The following METTL2A variants were observed in gnomAD, a reference collection of about 807,000 sequenced individuals.
METTL2A encodes the protein methyltransferase 2A, tRNA N3-cytidine.
Under a neutral mutation model 49.4 loss-of-function variants are expected in METTL2A, and 45 were observed. That is an observed-to-expected ratio of 0.91 (90% CI 0.72 to 1.17). The LOEUF (loss-of-function observed/expected upper bound fraction) is 1.17, where lower values mean the gene tolerates loss of function less well. Ranked by LOEUF, METTL2A falls within the 50% of genes most tolerant of loss-of-function variation. The probability of loss-of-function intolerance (pLI) is 0.00; values close to 1 mark genes in which losing one functional copy is unlikely to be tolerated. For synonymous variants in METTL2A, 118 were observed against 167.5 expected, an observed-to-expected ratio of 0.70 and a Z score of 2.28; for missense variants, 361 against 462.2, an observed-to-expected ratio of 0.78 and a Z score of 2.01.
intron 2 of METTL2A, among the ~76,000 whole-genome samples, chr17:62,425,904 G>A (rs185150812): frequency 1.3e-5 from 2 of 151,510 alleles, no homozygotes; most frequent in South Asian, 4.2e-4. Context: ...AGTAGGATGA[G>A]GCAGGAGAAT....
intron 4 of METTL2A, among the ~76,000 whole-genome samples, chr17:62,433,727 T>C (rs2070681425): frequency 6.7e-6 from 1 of 148,356 alleles, no homozygotes; most frequent in Non-Finnish European, 1.5e-5. Context: ...GTGACACAGC[T>C]GAGACCTCGT....
intron 6 of METTL2A, among the ~76,000 whole-genome samples, chr17:62,443,680 C>T (rs2070750902): frequency 6.6e-6 from 1 of 152,086 alleles, no homozygotes; most frequent in Non-Finnish European, 1.5e-5. Context: ...ATCTCCGCCT[C>T]CCAGGTTCAA....
chr17:62,438,576 CAAAAAAAA>C lies in METTL2A; in HGVS notation c.670-2030_670-2023del, dbSNP rs35559687. 5.2e-5 allele frequency among the ~76,000 whole-genome samples: 4 copies of C among 76,908 alleles called. No homozygotes were observed. The South Asian group carries it at 2.0e-3, about 38-fold the overall frequency. The allele number at this position is 76,908 out of a possible 152,430, so 50.5% of individuals were successfully genotyped here. A position where few individuals can be genotyped will look rare whatever the true frequency, so the allele number is the denominator to read the frequency against. ...TGGGCAACAGAACAAGACTCTGTTT[CAAAAAAAA>C]AAAAAAAAAAGAGTCTGTCACAATT... On this transcript the variant is annotated intron_variant, in intron 5 of 8. Coordinates refer to ENST00000311506, the MANE Select transcript of METTL2A (RefSeq NM_181725.4).
Position 62,448,726 on chromosome 17 carries a change from C to G in METTL2A, c.1134C>G (p.Ser378Arg). Residue 378 changes from serine to arginine, a missense_variant, in exon 9 of 9, where the codon AGC (serine) becomes AGG (arginine). Coordinates refer to ENST00000311506, the MANE Select transcript of METTL2A (RefSeq NM_181725.4). The stretch of plus-strand genomic sequence containing the variant: ...GCAAGCCCCTTCTGTCCAGCACCAG[C>G]TGAGAGGCACCTGCTGCCAACACGA... Reference protein sequence around the residue: ...KYCKPLLSSTS With the variant: ...KYCKPLLSSTR 4 of 1,613,644 alleles carry G rather than the reference C, an allele frequency of 2.5e-6. No individual in the cohort carries two copies. The highest frequency in any genetic ancestry group is 3.4e-6 in the Non-Finnish European group (4 of 1,179,860).
chr17:62,448,859 A>G lies in METTL2A; in HGVS notation c.*130A>G. The G allele has an allele frequency of 6.9e-7, 1 of 1,454,846 alleles. No individual in the cohort carries two copies. The highest frequency in any genetic ancestry group is 2.3e-5 in the East Asian group (1 of 42,606). The allele number at this position is 1,454,846 out of a possible 1,614,324, so 90.1% of individuals were successfully genotyped here. ...CAGGAGGCTGAGGCGGGGAGGATCC[A>G]TTGAGCCCAGCAGTCCAACCTGGGC... On this transcript the variant is annotated 3_prime_UTR_variant, in exon 9 of 9. Coordinates refer to ENST00000311506, the MANE Select transcript of METTL2A (RefSeq NM_181725.4).
At chr17:62,447,801 C>G (rs781698543) in intron 8 of METTL2A, 35 bp downstream of exon 8, 1 of 1,612,208 alleles carries the variant, frequency 6.2e-7, no homozygotes, top group Non-Finnish European at 8.5e-7. Context: ...CTAAAAGTCC[C>G]CAGTACCAGA....
Position 62,449,336 on chromosome 17 carries a change from T to A in METTL2A, c.*607T>A, listed in dbSNP as rs2070790504. On this transcript the variant is annotated 3_prime_UTR_variant, in exon 9 of 9. Transcript: ENST00000311506. ...AGCTGGGAAGAATCAGATCAGATAT[T>A]TTCCTGACAAAAAAAAATGACCCTA... 2 of 433,408 alleles carry A rather than the reference T, an allele frequency of 4.6e-6. No homozygotes were observed. The highest frequency in any genetic ancestry group is 2.6e-5 in the Admixed American group (1 of 38,254). The allele number at this position is 433,408 out of a possible 1,614,324, so 26.8% of individuals were successfully genotyped here.
chr17:62,429,937 C>T (rs559515731), intron 4 of METTL2A, among the ~76,000 whole-genome samples: 67 of 152,360 alleles, frequency 4.4e-4, no homozygotes, highest in African/African-American at 1.5e-3. Context: ...TCCCAAAGTG[C>T]TGGGATTACA....
rs2070802838 is a variant in METTL2A at position 62,451,055 on chromosome 17, C to T, written c.*2326C>T. ...TCACACAAAAACATGATTATGTTGG[C>T]TGGGCACAGTGGCTCCTGTAATCCT... On this transcript the variant is annotated 3_prime_UTR_variant, in exon 9 of 9. Transcript: ENST00000311506. 6.6e-6 allele frequency among the ~76,000 whole-genome samples: 1 copy of T among 151,846 alleles called. No homozygotes were observed. The highest frequency in any genetic ancestry group is 1.5e-5 in the Non-Finnish European group (1 of 67,978).
At chr17:62,447,253 T>C (rs1214006499) in intron 7 of METTL2A, among the ~76,000 whole-genome samples, 1 of 152,032 alleles carries the variant, frequency 6.6e-6, no homozygotes, top group Non-Finnish European at 1.5e-5. Flanking sequence ...ACCCTGACTC[T>C]ACTAAAAATA....
intron 5 of METTL2A, among the ~76,000 whole-genome samples, chr17:62,438,410 A>T (rs1598034215): frequency 1.4e-5 from 2 of 140,330 alleles, no homozygotes; most frequent in Non-Finnish European, 3.0e-5. Context: ...TCCATCTCAA[A>T]AAAAAAAAAA....
Position 62,450,328 on chromosome 17 carries a change from T to G in METTL2A, c.*1599T>G, listed in dbSNP as rs1484403625. On this transcript the variant is annotated 3_prime_UTR_variant, in exon 9 of 9. Transcript: ENST00000311506. ...CCCAGGCTGGAGTTCAGTGGTGCAA[T>G]GATAGCTCATTATCACCTCAAACTT... The G allele has an allele frequency of 6.9e-6, 1 of 143,906 alleles. No homozygotes were observed. The highest frequency in any genetic ancestry group is 2.1e-4 in the East Asian group (1 of 4,678). The allele number at this position is 143,906 out of a possible 1,614,324, so 8.9% of individuals were successfully genotyped here.
chr17:62,428,820 G>C (rs2070645343), intron 4 of METTL2A, among the ~76,000 whole-genome samples: 1 of 152,166 alleles, frequency 6.6e-6, no homozygotes, highest in Admixed American at 6.5e-5. Context: ...CTCTTGTTCT[G>C]TCATCCCGAC....
At chr17:62,440,363 C>T (rs2070730751) in intron 5 of METTL2A, among the ~76,000 whole-genome samples, 1 of 152,094 alleles carries the variant, frequency 6.6e-6, no homozygotes, top group Admixed American at 6.6e-5. Context: ...TACTTTTTCA[C>T]CAATCTATAT....
In METTL2A at chr17:62,451,633, T is replaced by C. The variant is rs2070806505; in HGVS notation, c.*2904T>C. Among the ~76,000 whole-genome samples, 1 of 151,732 alleles carries C rather than the reference T, an allele frequency of 6.6e-6. No individual in the cohort carries two copies. Among genetic ancestry groups the C allele is most frequent in the Admixed American group, 6.6e-5 (1 of 15,266 alleles). On this transcript the variant is annotated 3_prime_UTR_variant, in exon 9 of 9. Transcript: ENST00000311506. Reference sequence around the variant, plus strand: ...CAGACCTGGCACGGTGGCTCACGCCTGTAATCCCAGCACTTTGAGAGACCA... The same window carrying C: ...CAGACCTGGCACGGTGGCTCACGCCCGTAATCCCAGCACTTTGAGAGACCA...
At chr17:62,447,184 C>A (rs1364236745) in intron 7 of METTL2A, among the ~76,000 whole-genome samples, 1 of 152,048 alleles carries the variant, frequency 6.6e-6, no homozygotes, top group Non-Finnish European at 1.5e-5. Flanking sequence ...TTTGGGAGGC[C>A]ACGGTGGGTG....
At chr17:62,428,892 T>A (rs1434157612) in intron 4 of METTL2A, among the ~76,000 whole-genome samples, 1 of 152,170 alleles carries the variant, frequency 6.6e-6, no homozygotes, top group African/African-American at 2.4e-5. Context: ...CAAGCAATCC[T>A]CTCACCTCAG....
intron 2 of METTL2A, among the ~76,000 whole-genome samples, chr17:62,425,816 C>T (rs1267330377): frequency 1.2e-4 from 18 of 150,162 alleles, no homozygotes; most frequent in South Asian, 4.2e-4. Flanking sequence ...CTGGCTAACA[C>T]GGTGAAACCC....
At chr17:62,427,313 A>G (rs2070634750) in intron 3 of METTL2A, among the ~76,000 whole-genome samples, 1 of 152,188 alleles carries the variant, frequency 6.6e-6, no homozygotes, top group Non-Finnish European at 1.5e-5. Flanking sequence ...GATGGAGATA[A>G]TGTATGTAAA....
Sources: gnomAD v4.1 joint callset for allele counts (sites outside exome capture counted in the v4.1 genomes callset) on GRCh38, gnomAD v4.1.1 for gene constraint, MANE v1.5 for transcripts, NCBI Gene and HGNC (gene_info 2026-07-23, HGNC 2026-07-21) for gene names.